Variants in RAP1GDS1 observed in about 807,000 individuals in gnomAD.
The protein encoded by RAP1GDS1 is RAP1, GTP-GDP dissociation stimulator 1.
A neutral mutation model predicts 71.1 loss-of-function variants in RAP1GDS1; 35 were observed. That is an observed-to-expected ratio of 0.49 (90% CI 0.38 to 0.65). The LOEUF (loss-of-function observed/expected upper bound fraction) is 0.65, where lower values mean the gene tolerates loss of function less well. Among genes scored for constraint, RAP1GDS1 ranks in the 30% least tolerant of loss-of-function variants. The pLI, the probability that RAP1GDS1 is intolerant of heterozygous loss-of-function variation, is 0.00. For missense variants in RAP1GDS1, 663 were observed against 706.1 expected (o/e 0.94, Z 0.69); for synonymous variants, 229 against 243.1 (o/e 0.94, Z 0.54).
intron 1 of RAP1GDS1, among the ~76,000 whole-genome samples, chr4:98,275,341 A>G (rs1393033863): frequency 6.6e-6 from 1 of 152,158 alleles, no homozygotes; most frequent in African/African-American, 2.4e-5. Flanking sequence ...TGTCACTGCA[A>G]TTTGTAGTGC....
intron 2 of RAP1GDS1, among the ~76,000 whole-genome samples, chr4:98,295,820 A>G (rs1727653413): frequency 6.6e-6 from 1 of 152,030 alleles, no homozygotes; most frequent in Non-Finnish European, 1.5e-5. Flanking sequence ...CTTGAACTAT[A>G]AAGTGATATA....
rs1042026378 is a variant in RAP1GDS1 at position 98,391,982 on chromosome 4, G to A, written c.539G>A (p.Gly180Asp). The change falls in exon 6 of 15, where the codon GGT becomes GAT. Residue 180 changes from glycine (G) to aspartate (D), a missense_variant. Physicochemically the swap from Gly to Asp is moderately conservative, Grantham distance 94. Coordinates refer to ENST00000408927, the MANE Select transcript of RAP1GDS1 (RefSeq NM_001100427.2). ...CTTCAAGCTCAGCTTATCAATATGG[G>A]TGTTATTCCTACCTTAGTGAAATTA... ...DSLQAQLINM[G>D]VIPTLVKLLG... 2 of 1,610,006 alleles carry A rather than the reference G, an allele frequency of 1.2e-6. No homozygotes were observed. Among genetic ancestry groups the A allele is most frequent in the Non-Finnish European group, 1.7e-6 (2 of 1,177,550 alleles).
chr4:98,293,145 A>G (rs1040293889), intron 1 of RAP1GDS1, among the ~76,000 whole-genome samples: 22 of 152,150 alleles, frequency 1.4e-4, no homozygotes, highest in Non-Finnish European at 2.2e-4. Flanking sequence ...AAGAATATGG[A>G]AAAAAGATGT....
At chr4:98,436,018 C>T (rs974050980) in intron 13 of RAP1GDS1, among the ~76,000 whole-genome samples, 3 of 151,176 alleles carry the variant, frequency 2.0e-5, no homozygotes, top group Admixed American at 1.3e-4. Context: ...TTGCAGTGAG[C>T]CGAGATCGCG....
intron 4 of RAP1GDS1, among the ~76,000 whole-genome samples, chr4:98,370,345 G>A (rs1332212447): frequency 6.6e-6 from 1 of 152,082 alleles, no homozygotes; most frequent in Non-Finnish European, 1.5e-5. Flanking sequence ...GTGAACTAGA[G>A]AAAACATGTT....
intron 2 of RAP1GDS1, among the ~76,000 whole-genome samples, chr4:98,303,627 A>ATAAT (rs1553965663): frequency 3.5e-5 from 5 of 141,332 alleles, no homozygotes; most frequent in African/African-American, 1.3e-4. Flanking sequence ...GTAAATTAAT[A>ATAAT]ATAATATAAT....
At chr4:98,288,429 CATT>C (rs1406276309) in intron 1 of RAP1GDS1, among the ~76,000 whole-genome samples, 1 of 152,144 alleles carries the variant, frequency 6.6e-6, no homozygotes, top group African/African-American at 2.4e-5. Flanking sequence ...TCCCGTCTAT[CATT>C]GTTGGACATT....
Position 98,391,941 on chromosome 4 carries a change from TG to T in RAP1GDS1, c.509-10del. On this transcript the variant is annotated splice_polypyrimidine_tract_variant and intron_variant, in intron 5 of 14. Transcript: ENST00000408927. ...TTCTTTTCTGTTGTTGTTTTTTTTTTGTTTTTACAGATTCGCTTCAAGCTCA... is the reference window on the plus strand; with the variant it reads ...TTCTTTTCTGTTGTTGTTTTTTTTTTTTTTTACAGATTCGCTTCAAGCTCA... 1.9e-6 allele frequency: 3 copies of T among 1,564,946 alleles called. No individual in the cohort carries two copies. Among genetic ancestry groups the T allele is most frequent in the East Asian group, 2.3e-5 (1 of 43,986 alleles).
At chr4:98,407,088 T>C (rs947674998) in intron 7 of RAP1GDS1, among the ~76,000 whole-genome samples, 1 of 152,082 alleles carries the variant, frequency 6.6e-6, no homozygotes, top group Non-Finnish European at 1.5e-5. Context: ...AAAGAAAATA[T>C]AAACCCAAAA....
At chr4:98,318,526 C>A (rs2110334953) in intron 2 of RAP1GDS1, among the ~76,000 whole-genome samples, 1 of 152,306 alleles carries the variant, frequency 6.6e-6, no homozygotes, top group South Asian at 2.1e-4. Flanking sequence ...ACTTAACCTT[C>A]TTGTGATGTG....
intron 2 of RAP1GDS1, among the ~76,000 whole-genome samples, chr4:98,294,024 T>A (rs1287261366): frequency 6.6e-6 from 1 of 152,138 alleles, no homozygotes; most frequent in Non-Finnish European, 1.5e-5. Flanking sequence ...TCATCAAAAA[T>A]CTTTTGAAAT....
Position 98,381,407 on chromosome 4 carries a change from A to G in RAP1GDS1, c.508+2244A>G, listed in dbSNP as rs75192461. Reference sequence around the variant, plus strand: ...TTCTTCTAATGTTCACTGAAATTATATCCTTTTATGTATGTTTGGCATAAT... The same window carrying G: ...TTCTTCTAATGTTCACTGAAATTATGTCCTTTTATGTATGTTTGGCATAAT... On this transcript the variant is annotated intron_variant, in intron 5 of 14. Transcript: ENST00000408927. Among the ~76,000 whole-genome samples the G allele has an allele frequency of 7.5e-3, 1,135 of 151,698 alleles. 13 individuals are homozygous for G. The highest frequency in any genetic ancestry group is 0.026 in the African/African-American group (1,085 of 41,480).
intron 10 of RAP1GDS1, 124 bp from the exon 11 acceptor site, chr4:98,419,895 G>T: frequency 2.9e-6 from 3 of 1,052,400 alleles, no homozygotes. Flanking sequence ...AAAGTGACAA[G>T]ATTGTTTCTA....
At chr4:98,407,688 GA>G (rs1746345331) in intron 7 of RAP1GDS1, among the ~76,000 whole-genome samples, 1 of 152,158 alleles carries the variant, frequency 6.6e-6, no homozygotes, top group African/African-American at 2.4e-5. Context: ...GTAGTGAGAT[GA>G]GGGGGTGAGG....
intron 2 of RAP1GDS1, among the ~76,000 whole-genome samples, chr4:98,301,380 T>C (rs78742847): frequency 0.037 from 5,599 of 152,264 alleles, 149 homozygotes; most frequent in Middle Eastern, 0.068. Context: ...TGACAATTCC[T>C]GATGGGTTGA....
intron 4 of RAP1GDS1, among the ~76,000 whole-genome samples, chr4:98,375,681 G>A (rs751957234): frequency 3.6e-4 from 54 of 152,086 alleles, no homozygotes; most frequent in African/African-American, 1.2e-3. Flanking sequence ...AAAGTCCAAC[G>A]TATGTGTGTG....
intron 4 of RAP1GDS1, among the ~76,000 whole-genome samples, chr4:98,360,078 G>A (rs924637739): frequency 6.6e-6 from 1 of 152,088 alleles, no homozygotes. Flanking sequence ...ATTAAATGGT[G>A]TTTGGAAATC....
chr4:98,395,607 AC>A (rs1744413635), intron 6 of RAP1GDS1, among the ~76,000 whole-genome samples: 1 of 152,184 alleles, frequency 6.6e-6, no homozygotes, highest in African/African-American at 2.4e-5. Context: ...AAAAGCTAAA[AC>A]CCCAGAAATA....
At chr4:98,310,625 T>G (rs1730077984) in intron 2 of RAP1GDS1, among the ~76,000 whole-genome samples, 1 of 152,164 alleles carries the variant, frequency 6.6e-6, no homozygotes, top group Admixed American at 6.5e-5. Flanking sequence ...ATTTATATTG[T>G]ATTATACTCT....
Sources: gnomAD v4.1 joint callset for allele counts (sites outside exome capture counted in the v4.1 genomes callset) on GRCh38, gnomAD v4.1.1 for gene constraint, MANE v1.5 for transcripts, NCBI Gene and HGNC (gene_info 2026-07-23, HGNC 2026-07-21) for gene names.